PCDH15: variants seen among roughly 807,000 people sequenced by gnomAD.
PCDH15 encodes protocadherin-15.
In PCDH15, 129 loss-of-function variants were observed where a neutral mutation model predicts 178.5. The ratio of observed to expected loss-of-function variants is 0.72; its 90% confidence interval spans 0.63 to 0.84. PCDH15 has a LOEUF of 0.84. PCDH15 is among the 40% of genes least tolerant of loss of function. The pLI, the probability that PCDH15 is intolerant of heterozygous loss-of-function variation, is 0.00. For missense variants in PCDH15, 2,230 were observed against 2,099.9 expected (o/e 1.06, Z -1.21); for synonymous variants, 800 against 732.0 (o/e 1.09, Z -1.50).
intron 5 of PCDH15, among the ~76,000 whole-genome samples, chr10:54,361,733 A>T (rs1946082783): frequency 6.6e-6 from 1 of 152,054 alleles, no homozygotes; most frequent in Admixed American, 6.6e-5. Context: ...AACTTTTCTG[A>T]AATTAGTATT....
intron 3 of PCDH15, among the ~76,000 whole-genome samples, chr10:54,442,927 A>G (rs1354042452): frequency 6.6e-5 from 10 of 151,500 alleles, no homozygotes; most frequent in African/African-American, 2.4e-4. Context: ...TCGTCTTCCA[A>G]CTTCTGAAGT....
chr10:53,806,732 G>T lies in PCDH15; in HGVS notation c.5070C>A (p.Asn1690Lys). Residue 1690 changes from asparagine to lysine, a missense_variant, in exon 38 of 38, where the codon AAC (asparagine) becomes AAA (lysine). Transcript: ENST00000644397. ...TDNTAVKPLRNRLKSTVEQES... is the reference protein window; with the variant it reads ...TDNTAVKPLRKRLKSTVEQES... Reference sequence around the variant, plus strand: ...CCTGTTCAACTGTGCTTTTCAGCCTGTTCCTTAGTGGCTTCACCGCTGTAT... The same window carrying T: ...CCTGTTCAACTGTGCTTTTCAGCCTTTTCCTTAGTGGCTTCACCGCTGTAT... 1 of 1,613,794 alleles carries T rather than the reference G, an allele frequency of 6.2e-7. No individual in the cohort carries two copies. Among genetic ancestry groups the T allele is most frequent in the Non-Finnish European group, 8.5e-7 (1 of 1,179,808 alleles).
intron 2 of PCDH15, among the ~76,000 whole-genome samples, chr10:55,156,368 G>A (rs991395259): frequency 1.3e-5 from 2 of 152,114 alleles, no homozygotes; most frequent in Non-Finnish European, 2.9e-5. Context: ...TGTGGTCTTT[G>A]GTATAGGTAA....
chr10:53,850,829 A>G (rs2078308226), intron 28 of PCDH15, among the ~76,000 whole-genome samples: 1 of 152,110 alleles, frequency 6.6e-6, no homozygotes, highest in Admixed American at 6.6e-5. Context: ...ATGCTGAGAG[A>G]AAATTGGCAT....
chr10:54,703,472 A>G (rs2095334360), intron 1 of PCDH15, among the ~76,000 whole-genome samples: 1 of 152,106 alleles, frequency 6.6e-6, no homozygotes, highest in Admixed American at 6.6e-5. Context: ...TTCTATATGT[A>G]GGAAACCCCA....
chr10:54,403,441 C>A (rs11004277), intron 3 of PCDH15, among the ~76,000 whole-genome samples: 57,079 of 151,784 alleles, frequency 0.38, 12,188 homozygotes, highest in Non-Finnish European at 0.49. Context: ...AAGGAATAGA[C>A]CTTGAACTAA....
chr10:55,171,314 C>A (rs1038604054), intron 1 of PCDH15, among the ~76,000 whole-genome samples: 2 of 152,160 alleles, frequency 1.3e-5, no homozygotes, highest in Non-Finnish European at 2.9e-5. Flanking sequence ...CCAGCTTAGG[C>A]CTAAATGATG....
At chr10:54,012,399 C>A (rs1039054742) in intron 20 of PCDH15, among the ~76,000 whole-genome samples, 1 of 152,052 alleles carries the variant, frequency 6.6e-6, no homozygotes, top group Non-Finnish European at 1.5e-5. Flanking sequence ...AACTTCCCAA[C>A]CTCACTAGAG....
rs143300699 is a variant in PCDH15, at chr10:55,295,279, C to A, written c.-156+24320G>T. Among the ~76,000 whole-genome samples the A allele has an allele frequency of 5.5e-3, 833 of 152,244 alleles. 10 individuals carry two copies. The highest frequency in any genetic ancestry group is 0.018 in the African/African-American group (761 of 41,548). On this transcript the variant is annotated intron_variant, in intron 1 of 5. Transcript: ENST00000458638. ...TTCAGGTTTAAAAATACATCAAAAGCAAAACCAGTTTGAAACTACAGTTTC... is the reference window on the plus strand; with the variant it reads ...TTCAGGTTTAAAAATACATCAAAAGAAAAACCAGTTTGAAACTACAGTTTC...
chr10:55,345,771 C>T (rs934724056), intron 2 of PCDH15, among the ~76,000 whole-genome samples: 6 of 142,538 alleles, frequency 4.2e-5, no homozygotes. Context: ...TATTCTTATA[C>T]ACTCTACTGA....
In PCDH15 at chr10:54,766,340, T is replaced by A. The variant is rs1474660966; in HGVS notation, c.-29+34585A>T. ...AACATCATTGCATTTTGTGAAAAAATTTTACACTTTTACATTAAAGAGTTT... is the reference window on the plus strand; with the variant it reads ...AACATCATTGCATTTTGTGAAAAAAATTTACACTTTTACATTAAAGAGTTT... On this transcript the variant is annotated intron_variant, in intron 1 of 37. Coordinates refer to ENST00000644397, the MANE Select transcript of PCDH15 (RefSeq NM_001384140.1). 7.2e-5 allele frequency among the ~76,000 whole-genome samples: 11 copies of A among 152,176 alleles called. 1 individual carries two copies. Among genetic ancestry groups the A allele is most frequent in the Admixed American group, 7.2e-4 (11 of 15,286 alleles).
intron 2 of PCDH15, among the ~76,000 whole-genome samples, chr10:54,618,056 G>A (rs1254748450): frequency 1.3e-5 from 2 of 151,964 alleles, no homozygotes; most frequent in Non-Finnish European, 2.9e-5. Flanking sequence ...AGAAGCCTGG[G>A]GAATTCTTCT....
At chr10:55,364,563 T>C (rs1327541918) in intron 2 of PCDH15, among the ~76,000 whole-genome samples, 1 of 152,174 alleles carries the variant, frequency 6.6e-6, no homozygotes, top group Admixed American at 6.5e-5. Flanking sequence ...TTTCTTTGGA[T>C]TTCCCTTGTT....
At chr10:54,691,078 A>T (rs1015879120) in intron 1 of PCDH15, among the ~76,000 whole-genome samples, 2 of 152,174 alleles carry the variant, frequency 1.3e-5, no homozygotes, top group Non-Finnish European at 2.9e-5. Context: ...TTTAATTATC[A>T]ATTAAAAATT....
At chr10:55,493,889 T>C (rs1013589311) in intron 2 of PCDH15, among the ~76,000 whole-genome samples, 1 of 151,896 alleles carries the variant, frequency 6.6e-6, no homozygotes, top group Non-Finnish European at 1.5e-5. Flanking sequence ...GTGGCACATA[T>C]ATTTTTCCCT....
chr10:54,845,960 A>C (rs1185658657), intron 3 of PCDH15, among the ~76,000 whole-genome samples: 1 of 152,148 alleles, frequency 6.6e-6, no homozygotes, highest in Non-Finnish European at 1.5e-5. Flanking sequence ...TTTTTAATCT[A>C]ATGACTGTGT....
At chr10:54,102,209 A>C (rs2094825814) in intron 15 of PCDH15, among the ~76,000 whole-genome samples, 1 of 152,184 alleles carries the variant, frequency 6.6e-6, no homozygotes, top group African/African-American at 2.4e-5. Context: ...GAACATGGGA[A>C]TTCTTCCTCA....
At chr10:54,698,970 T>A (rs1302769515) in intron 1 of PCDH15, among the ~76,000 whole-genome samples, 1 of 152,120 alleles carries the variant, frequency 6.6e-6, no homozygotes, top group Non-Finnish European at 1.5e-5. Context: ...CTTCTTTGTC[T>A]TTCACATTTA....
At chr10:54,943,223 C>T (rs180929320) in intron 2 of PCDH15, among the ~76,000 whole-genome samples, 2 of 152,032 alleles carry the variant, frequency 1.3e-5, no homozygotes, top group Non-Finnish European at 2.9e-5. Context: ...ATTGACAATT[C>T]CAACTTTGCA....
Sources: allele counts gnomAD v4.1 joint callset (sites outside exome capture counted in the v4.1 genomes callset), GRCh38; gene constraint gnomAD v4.1.1; transcripts MANE v1.5; gene names NCBI Gene and HGNC (gene_info 2026-07-23, HGNC 2026-07-21).